Variants in NR6A1 observed in about 807,000 individuals in gnomAD.
The protein encoded by NR6A1 is retinoic acid receptor-related testis-associated receptor.
A neutral mutation model predicts 59.1 loss-of-function variants in NR6A1; 7 were observed. The observed-to-expected ratio is 0.12, with a 90% confidence interval of 0.07 to 0.22. The LOEUF is 0.22. Ranked by LOEUF, NR6A1 falls within the 10% of genes least tolerant of loss-of-function variation. The pLI, the probability that NR6A1 is intolerant of heterozygous loss-of-function variation, is 1.00. For synonymous variants in NR6A1, 243 were observed against 236.1 expected (o/e 1.03, Z -0.27); for missense variants, 468 against 611.6 (o/e 0.77, Z 2.48).
At chr9:124,569,179 G>C (rs1280267572) in intron 2 of NR6A1, among the ~76,000 whole-genome samples, 1 of 152,136 alleles carries the variant, frequency 6.6e-6, no homozygotes, top group Non-Finnish European at 1.5e-5. Context: ...ACAAAGAAAT[G>C]ACAGGAGTCA....
intron 2 of NR6A1, among the ~76,000 whole-genome samples, chr9:124,682,481 T>A (rs1434477207): frequency 6.6e-6 from 1 of 152,182 alleles, no homozygotes; most frequent in African/African-American, 2.4e-5. Context: ...GATATGAGAA[T>A]TCAGCTATCC....
chr9:124,611,568 T>G (rs1162915555), intron 2 of NR6A1, among the ~76,000 whole-genome samples: 1 of 151,990 alleles, frequency 6.6e-6, no homozygotes, highest in Non-Finnish European at 1.5e-5. Context: ...AGACACTCAC[T>G]TCTACAAAAT....
intron 3 of NR6A1, among the ~76,000 whole-genome samples, chr9:124,553,286 T>C (rs908448206): frequency 5.3e-5 from 8 of 152,294 alleles, no homozygotes; most frequent in Non-Finnish European, 1.2e-4. Flanking sequence ...CTCTTCTGTA[T>C]CTAAGCTCTC....
At chr9:124,730,104 C>T (rs905846423) in intron 2 of NR6A1, among the ~76,000 whole-genome samples, 2 of 151,978 alleles carry the variant, frequency 1.3e-5, no homozygotes, top group African/African-American at 2.4e-5. Flanking sequence ...TGAGCCACCA[C>T]GCCTGGCCTA....
chr9:124,538,421 G>A (rs1469837907), intron 5 of NR6A1, 102 bp from the exon 6 acceptor site: 1 of 818,738 alleles, frequency 1.2e-6, no homozygotes, highest in Non-Finnish European at 2.0e-6. Context: ...TGAACATGAG[G>A]TATGTGTCTT....
rs1359810741 is a variant in NR6A1 at position 124,569,069 on chromosome 9, C to T, written c.143-14499G>A. ...CGGAGCTTGCAGTGAGCCAAGATCA[C>T]GCCACCTCACTCCAGCCTGGGTGAC... On this transcript the variant is annotated intron_variant, in intron 2 of 9. Transcript: ENST00000487099. Among the ~76,000 whole-genome samples the T allele has an allele frequency of 4.0e-3, 603 of 150,264 alleles. 7 individuals carry two copies. The highest frequency in any genetic ancestry group is 0.014 in the African/African-American group (575 of 39,756).
In NR6A1 at chr9:124,573,046, A is replaced by G. The variant is rs190235341; in HGVS notation, c.143-18476T>C. On this transcript the variant is annotated intron_variant, in intron 2 of 9. Transcript: ENST00000487099. The stretch of plus-strand genomic sequence containing the variant: ...CATGGTTCAAAGTTGTATTAAGCTG[A>G]AACTTTTATAACTAAAAATAGCTGC... Among the ~76,000 whole-genome samples the G allele has an allele frequency of 9.4e-4, 143 of 152,360 alleles. No individual in the cohort carries two copies. In the Middle Eastern group the frequency reaches 0.01, roughly 11 times the overall value.
At chr9:124,561,434 C>T (rs1254528126) in intron 2 of NR6A1, among the ~76,000 whole-genome samples, 1 of 151,820 alleles carries the variant, frequency 6.6e-6, no homozygotes, top group Non-Finnish European at 1.5e-5. Flanking sequence ...GAATGAGATC[C>T]CATTTCTAAA....
intron 2 of NR6A1, among the ~76,000 whole-genome samples, chr9:124,608,537 C>T (rs1835640955): frequency 6.6e-6 from 1 of 152,150 alleles, no homozygotes; most frequent in African/African-American, 2.4e-5. Flanking sequence ...TTTATCCAGT[C>T]TATCATTCAT....
At chr9:124,611,399 A>G (rs1835739097) in intron 2 of NR6A1, among the ~76,000 whole-genome samples, 1 of 152,078 alleles carries the variant, frequency 6.6e-6, no homozygotes, top group African/African-American at 2.4e-5. Flanking sequence ...GATCCCCCAG[A>G]GTAGCCACCA....
chr9:124,604,771 G>C (rs2130829066), intron 2 of NR6A1, among the ~76,000 whole-genome samples: 1 of 152,002 alleles, frequency 6.6e-6, no homozygotes, highest in East Asian at 1.9e-4. Flanking sequence ...CAGAGATCGT[G>C]TCACTGCATT....
At chr9:124,708,411 T>G (rs1419717364) in intron 2 of NR6A1, among the ~76,000 whole-genome samples, 1 of 152,240 alleles carries the variant, frequency 6.6e-6, no homozygotes, top group East Asian at 1.9e-4. Context: ...TGCTTCTCAA[T>G]TTGTTTTAAG....
intron 7 of NR6A1, 103 bp from the exon 8 acceptor site, chr9:124,527,003 G>A (rs1832957293): frequency 1.4e-6 from 2 of 1,417,034 alleles, no homozygotes; most frequent in Admixed American, 3.9e-5. Flanking sequence ...GCTGAGCTTG[G>A]GGGAAATGGG....
chr9:124,640,488 C>A (rs150130247), intron 2 of NR6A1, among the ~76,000 whole-genome samples: 1 of 152,106 alleles, frequency 6.6e-6, no homozygotes, highest in Non-Finnish European at 1.5e-5. Context: ...TAACCATGAA[C>A]TCATGGGCTC....
chr9:124,720,082 T>C (rs1056760363), intron 2 of NR6A1, among the ~76,000 whole-genome samples: 2 of 152,152 alleles, frequency 1.3e-5, no homozygotes, highest in African/African-American at 2.4e-5. Flanking sequence ...AGTTTTGCTC[T>C]TGTCACCCAG....
At chr9:124,643,775 AG>A (rs200924320) in intron 2 of NR6A1, among the ~76,000 whole-genome samples, 11,245 of 143,304 alleles carry the variant, frequency 0.078, 1,405 homozygotes, top group African/African-American at 0.26. Context: ...AAAAAAAAAA[AG>A]AGAGAGAGAG....
chr9:124,623,751 C>T (rs1836150937), intron 2 of NR6A1, among the ~76,000 whole-genome samples: 1 of 152,146 alleles, frequency 6.6e-6, no homozygotes, highest in African/African-American at 2.4e-5. Context: ...GCTGTTCTAG[C>T]CCTACCTCAG....
At chr9:124,574,526 A>T (rs1001468279) in intron 2 of NR6A1, among the ~76,000 whole-genome samples, 4 of 152,236 alleles carry the variant, frequency 2.6e-5, no homozygotes, top group Non-Finnish European at 5.9e-5. Context: ...ATGCTAAAAT[A>T]TAATTCCCTG....
intron 2 of NR6A1, among the ~76,000 whole-genome samples, chr9:124,594,713 G>A (rs1325751192): frequency 1.3e-5 from 2 of 152,080 alleles, no homozygotes; most frequent in Non-Finnish European, 2.9e-5. Flanking sequence ...AAGGTGCTGG[G>A]GTACAACATA....
Sources: allele counts gnomAD v4.1 joint callset (sites outside exome capture counted in the v4.1 genomes callset), GRCh38; gene constraint gnomAD v4.1.1; transcripts MANE v1.5; gene names NCBI Gene and HGNC (gene_info 2026-07-23, HGNC 2026-07-21).